The following BPIFB3 variants were observed in gnomAD, a reference collection of about 807,000 sequenced individuals.
The protein encoded by BPIFB3 is BPI fold-containing family B member 3.
Under a neutral mutation model 53.1 loss-of-function variants are expected in BPIFB3, and 49 were observed. The ratio of observed to expected loss-of-function variants is 0.92; its 90% CI spans 0.73 to 1.17. The LOEUF (loss-of-function observed/expected upper bound fraction) is 1.17, where lower values mean the gene tolerates loss of function less well. BPIFB3 is among the 50% of genes most tolerant of loss of function. BPIFB3 has a pLI of 0.00. For synonymous variants in BPIFB3, 271 were observed against 269.6 expected, an observed-to-expected ratio of 1.01 and a Z score of -0.05; for missense variants, 628 against 592.5, an observed-to-expected ratio of 1.06 and a Z score of -0.62.
intron 1 of BPIFB3, 125 bp downstream of exon 2, chr20:33,055,672 A>G (rs1223289181): frequency 2.1e-6 from 3 of 1,399,528 alleles, no homozygotes; most frequent in African/African-American, 1.4e-5. Context: ...CTTAGAGAGC[A>G]CATTCTCCTG....
chr20:33,068,880 C>A (rs1252553716), exon 10 of BPIFB3: 1 of 1,614,050 alleles, frequency 6.2e-7, no homozygotes, highest in East Asian at 2.2e-5. Context: ...TCACACTCCA[C>A]AACAAGAAGG....
At chr20:33,072,900 C>A in intron 14 of BPIFB3, 107 bp downstream of exon 15, 1 of 982,472 alleles carries the variant, frequency 1.0e-6, no homozygotes. Context: ...CTTGTCTGTC[C>A]CTGATCCATT....
intron 14 of BPIFB3, among the ~76,000 whole-genome samples, chr20:33,073,003 C>A (rs1600546955): frequency 6.6e-6 from 1 of 152,226 alleles, no homozygotes; most frequent in Admixed American, 6.5e-5. Context: ...TTGCCCATGG[C>A]AGACATCATC....
chr20:33,073,259 C>G (rs1980978996), intron 14 of BPIFB3, among the ~76,000 whole-genome samples: 1 of 152,172 alleles, frequency 6.6e-6, no homozygotes, highest in Admixed American at 6.5e-5. Flanking sequence ...TGGAATAGCT[C>G]TAGGAGGTGG....
At chr20:33,066,801 C>T in intron 8 of BPIFB3, 23 bp from the exon 10 acceptor site, 1 of 1,612,832 alleles carries the variant, frequency 6.2e-7, no homozygotes, top group Non-Finnish European at 8.5e-7. Flanking sequence ...GCTCACCAAC[C>T]CTCTCTCCCA....
Position 33,068,800 on chromosome 20 carries a change from C to T in BPIFB3, c.979-3C>T. The T allele has an allele frequency of 6.2e-7, 1 of 1,612,908 alleles. No homozygotes were observed. Among genetic ancestry groups the T allele is most frequent in the South Asian group, 1.1e-5 (1 of 90,926 alleles). ...TCTAAGTTATGCCCCTGCATTTCTC[C>T]AGGCCCTGGGGAAGCTGCCCCTGCA... On this transcript the variant is annotated splice_polypyrimidine_tract_variant and splice_region_variant and intron_variant, in intron 9 of 14. Coordinates refer to ENST00000375494, the Ensembl canonical transcript of BPIFB3.
chr20:33,071,390 G>C lies in BPIFB3; in HGVS notation c.1260+95G>C, dbSNP rs79935545. 8.2e-4 allele frequency: 1,134 copies of C among 1,374,978 alleles called. 11 individuals carry two copies. The African/African-American group carries it at 0.016, about 19-fold the overall frequency. 85.2% of individuals were successfully genotyped at this position (1,374,978 alleles called of 1,614,324 possible). A position where few individuals can be genotyped will look rare whatever the true frequency, so the allele number is the denominator to read the frequency against. On this transcript the variant is annotated intron_variant, in intron 12 of 14. Coordinates refer to ENST00000375494, the Ensembl canonical transcript of BPIFB3. ...GCCATGAGTCATGGGCCATATGACT[G>C]AGCTGACCTCAGGACTGGGATCCTC...
Sources: allele counts gnomAD v4.1 joint callset (sites outside exome capture counted in the v4.1 genomes callset), GRCh38; gene constraint gnomAD v4.1.1; transcripts MANE v1.5; gene names NCBI Gene and HGNC (gene_info 2026-07-23, HGNC 2026-07-21).